LZTR1: variants seen among roughly 807,000 people sequenced by gnomAD.
LZTR1 encodes leucine-zipper-like transcriptional regulator 1.
In LZTR1, 260 loss-of-function variants were observed where a neutral mutation model predicts 105.7. The observed-to-expected ratio is 2.46, with a 90% CI of 2.22 to 2.72. The LOEUF is 2.72. LZTR1 is among the 30% of genes most tolerant of loss of function. LZTR1 has a pLI of 0.00. For synonymous variants in LZTR1, 490 were observed against 476.4 expected, an observed-to-expected ratio of 1.03 and a Z score of -0.37; for missense variants, 1,214 against 1,166.9, an observed-to-expected ratio of 1.04 and a Z score of -0.59.
chr22:20,991,633 C>G lies in LZTR1; in HGVS notation c.797C>G (p.Thr266Arg), dbSNP rs1258318307. Residue 266 changes from threonine (T) to arginine (R), a missense_variant, in exon 9 of 21, where the codon ACA becomes AGA. Coordinates refer to ENST00000646124, the MANE Select transcript of LZTR1 (RefSeq NM_006767.4). The part of the protein sequence containing the change: ...FQFEFKDKTW[T>R]RIPTEHLLRG... ...TCACTGTTGTGTACCCCCAGGTGGA[C>G]ACGCATCCCAACTGAACACCTGCTC... is the stretch of plus-strand genomic sequence containing the variant. 6.3e-7 allele frequency: 1 copy of G among 1,589,152 alleles called. No individual in the cohort carries two copies. The highest frequency in any genetic ancestry group is 8.5e-7 in the Non-Finnish European group (1 of 1,172,986).
rs770762358 is a variant in LZTR1 at position 20,982,430 on chromosome 22, C to T, written c.59C>T (p.Ala20Val). The change falls in exon 1 of 21, where the codon GCG becomes GTG. Residue 20 changes from alanine to valine, a missense_variant. Transcript: ENST00000646124. ...QIGAAALAGGARSKVAPSVDF... is the reference protein window; with the variant it reads ...QIGAAALAGGVRSKVAPSVDF... Reference sequence around the variant, plus strand: ...GGGGCTGCGGCCCTGGCAGGCGGCGCGCGGTCCAAGGTAGCCCCGAGCGTG... The same window carrying T: ...GGGGCTGCGGCCCTGGCAGGCGGCGTGCGGTCCAAGGTAGCCCCGAGCGTG... 6.3e-6 allele frequency: 10 copies of T among 1,579,338 alleles called. No homozygotes were observed. The highest frequency in any genetic ancestry group is 8.6e-6 in the Non-Finnish European group (10 of 1,162,346).
Position 20,992,320 on chromosome 22 carries a change from T to G in LZTR1, c.1100T>G (p.Leu367Arg). The G allele has an allele frequency of 6.2e-7, 1 of 1,613,926 alleles. No individual in the cohort carries two copies. The highest frequency in any genetic ancestry group is 8.5e-7 in the Non-Finnish European group (1 of 1,179,946). The change falls in exon 10 of 21, where the codon CTG becomes CGG. Residue 367 changes from leucine to arginine, a missense_variant. Coordinates refer to ENST00000646124, the MANE Select transcript of LZTR1 (RefSeq NM_006767.4). Reference sequence around the variant, plus strand: ...AAGAAGTCCCGAGATGTGTTTGGCCTGGACTTTGGCACCACCTCAGCCAAG... The same window carrying G: ...AAGAAGTCCCGAGATGTGTTTGGCCGGGACTTTGGCACCACCTCAGCCAAG... The part of the protein sequence containing the change: ...GFKKSRDVFG[L>R]DFGTTSAKQP...
chr22:20,986,020 A>T, intron 3 of LZTR1, 123 bp downstream of exon 3: 1 of 1,042,596 alleles, frequency 9.6e-7, no homozygotes, highest in South Asian at 1.4e-5. Flanking sequence ...TTCCAGGAGG[A>T]GATAACCACG....
chr22:20,983,903 C>T (rs1924285372), intron 2 of LZTR1, among the ~76,000 whole-genome samples: 1 of 152,220 alleles, frequency 6.6e-6, no homozygotes, highest in Non-Finnish European at 1.5e-5. Flanking sequence ...TCCTCCTTGG[C>T]TCATCCTCCT....
chr22:20,993,592 C>T (rs545132767), intron 11 of LZTR1, 70 bp from the exon 12 acceptor site: 140 of 1,342,370 alleles, frequency 1.0e-4, no homozygotes, highest in Non-Finnish European at 1.4e-4. Flanking sequence ...ACCTCAGGGT[C>T]GGCCTGCACA....
rs551144605 is a variant in LZTR1 at position 20,994,273 on chromosome 22, C to T, written c.1615+4C>T. 2.0e-4 allele frequency: 326 copies of T among 1,597,080 alleles called. 4 individuals are homozygous for T. The South Asian group carries it at 2.6e-3, about 13-fold the overall frequency. On this transcript the variant is annotated splice_donor_region_variant and intron_variant, in intron 14 of 20. Coordinates refer to ENST00000646124, the MANE Select transcript of LZTR1 (RefSeq NM_006767.4). ...AAGATCAAATACCCACGGAAAGGTC[C>T]GCCTGGGTGGGGGTGGAGCAGGGTT...
At position 20,988,017 on chromosome 22, in the gene LZTR1, C is replaced by T. The variant is rs373149140; in HGVS notation, c.408C>T (p.Tyr136=). 2.8e-5 allele frequency: 44 copies of T among 1,596,944 alleles called. No individual in the cohort carries two copies. The highest frequency in any genetic ancestry group is 3.7e-5 in the Non-Finnish European group (43 of 1,164,640). Residue 136 remains tyrosine (Y), a synonymous_variant, in exon 5 of 21, where the codon TAC becomes TAT. Coordinates refer to ENST00000646124, the MANE Select transcript of LZTR1 (RefSeq NM_006767.4). The part of the protein sequence containing the change: ...YGSSMFVFGG[Y]TGDIYSNSNL... ...CTCACTCTCTTTACTCAGGGGGTTA[C>T]ACTGGGGACATTTATTCCAATTCTA...
rs368649599 is a variant in LZTR1, at chr22:20,992,275, A to C, written c.1055A>C (p.Tyr352Ser). 1.7e-5 allele frequency: 28 copies of C among 1,613,838 alleles called. No individual in the cohort carries two copies. In the African/African-American group the frequency reaches 2.8e-4, roughly 16 times the overall value. ...TCCGAGGAGGTGCCCACCCTGACCT[A>C]TGAGGAGCGGGTTGGCTTCAAGAAG... Reference protein sequence around the residue: ...CASEEVPTLTYEERVGFKKSR... With the variant: ...CASEEVPTLTSEERVGFKKSR... Residue 352 changes from tyrosine (Y) to serine (S), a missense_variant, in exon 10 of 21, where the codon TAT becomes TCT. By Grantham distance (144) the Tyr-to-Ser change is moderately radical (BLOSUM62 -2). Transcript: ENST00000646124.
chr22:20,995,895 G>A (rs1047740893), intron 17 of LZTR1, 23 bp downstream of exon 17: 5 of 1,612,820 alleles, frequency 3.1e-6, no homozygotes, highest in African/African-American at 1.3e-5. Context: ...TGGACAGGAG[G>A]GGAGGGTGGG....
At position 20,996,544 on chromosome 22, in the gene LZTR1, A is replaced by T. The variant is rs540619968; in HGVS notation, c.2220-152A>T. 3.6e-4 allele frequency: 225 copies of T among 633,646 alleles called. No individual in the cohort carries two copies. The South Asian group carries it at 4.3e-3, about 12-fold the overall frequency. The allele number at this position is 633,646 out of a possible 1,614,324, so 39.3% of individuals were successfully genotyped here. On this transcript the variant is annotated intron_variant, in intron 18 of 20. Coordinates refer to ENST00000646124, the MANE Select transcript of LZTR1 (RefSeq NM_006767.4). ...ATTCATGGTTTTCTTTGGATCCTGA[A>T]TGGGGCCTTTGACCCACTAAGTAGT...
chr22:20,991,889 T>C (rs528353957), intron 9 of LZTR1, 60 bp downstream of exon 9: 1 of 1,451,948 alleles, frequency 6.9e-7, no homozygotes, highest in Non-Finnish European at 9.3e-7. Flanking sequence ...CCTACCCTGC[T>C]CCCACCCAGC....
intron 16 of LZTR1, chr22:20,995,533 G>A: frequency 5.5e-6 from 4 of 724,622 alleles, no homozygotes; most frequent in Non-Finnish European, 7.6e-6. Context: ...ACGCTGGGTG[G>A]TGGGCTGTGC....
chr22:20,982,940 C>T lies in LZTR1; in HGVS notation c.201-87C>T, dbSNP rs1476163304. Reference sequence around the variant, plus strand: ...GCAGTTGAGAGGTGATACCTAACTTCCGTGGCAGCTCTCCTGCTTAGTCCC... The same window carrying T: ...GCAGTTGAGAGGTGATACCTAACTTTCGTGGCAGCTCTCCTGCTTAGTCCC... On this transcript the variant is annotated intron_variant, in intron 1 of 20. Coordinates refer to ENST00000646124, the MANE Select transcript of LZTR1 (RefSeq NM_006767.4). 1.6e-5 allele frequency: 17 copies of T among 1,079,758 alleles called. 1 individual carries two copies. The South Asian group carries it at 2.0e-4, about 13-fold the overall frequency. The allele number at this position is 1,079,758 out of a possible 1,614,324, so 66.9% of individuals were successfully genotyped here. A position where few individuals can be genotyped will look rare whatever the true frequency, so the allele number is the denominator to read the frequency against.
rs770260964 is a variant in LZTR1 at position 20,994,917 on chromosome 22, G to A, written c.1833G>A (p.Val611=). The change falls in exon 16 of 21, where the codon GTG becomes GTA. Residue 611 remains valine (V), a synonymous_variant. Coordinates refer to ENST00000646124, the MANE Select transcript of LZTR1 (RefSeq NM_006767.4). ...FVVKESHFNQ[V]IMMKEFERLS... ...TAAAGGAGTCCCACTTCAACCAGGTGATCATGATGAAGGAGTTCGAGCGCC... is the reference window on the plus strand; with the variant it reads ...TAAAGGAGTCCCACTTCAACCAGGTAATCATGATGAAGGAGTTCGAGCGCC... The A allele has an allele frequency of 1.9e-6, 3 of 1,613,426 alleles. No homozygotes were observed. Among genetic ancestry groups the A allele is most frequent in the Non-Finnish European group, 2.5e-6 (3 of 1,180,010 alleles).
chr22:20,995,575 C>T, intron 16 of LZTR1, 171 bp from the exon 17 acceptor site: 2 of 823,950 alleles, frequency 2.4e-6, no homozygotes, highest in Non-Finnish European at 4.1e-6. Flanking sequence ...GGCCAGGGCG[C>T]CGAGGGAGGA....
rs771854135 is a variant in LZTR1 at position 20,982,358 on chromosome 22, G to C, written c.-14G>C. 6 of 1,544,862 alleles carry C rather than the reference G, an allele frequency of 3.9e-6. No individual in the cohort carries two copies. Among genetic ancestry groups the C allele is most frequent in the Non-Finnish European group, 5.2e-6 (6 of 1,143,460 alleles). On this transcript the variant is annotated 5_prime_UTR_variant, in exon 1 of 21. Coordinates refer to ENST00000646124, the MANE Select transcript of LZTR1 (RefSeq NM_006767.4). ...GTTGGGCTTACAGCGCGGCCGATCC[G>C]GCGTGGACCCGGGATGGCTGGACCG...
intron 4 of LZTR1, 88 bp downstream of exon 4, chr22:20,987,671 G>T (rs1246341671): frequency 8.2e-7 from 1 of 1,216,854 alleles, no homozygotes; most frequent in Non-Finnish European, 1.2e-6. Context: ...ATTTGTGCTC[G>T]TGCTGTGTAC....
rs750904684 is a variant in LZTR1 at position 20,990,446 on chromosome 22, G to C, written c.712G>C (p.Asp238His). 1.2e-6 allele frequency: 2 copies of C among 1,613,968 alleles called. No individual in the cohort carries two copies. The highest frequency in any genetic ancestry group is 1.7e-6 in the Non-Finnish European group (2 of 1,180,020). ...CAACTTCCCCGTGGCTGTGTGCCGG[G>C]ACAAGATGTTTGTATTCTCTGGGCA... ...CCNFPVAVCRDKMFVFSGQSG... is the reference protein window; with the variant it reads ...CCNFPVAVCRHKMFVFSGQSG... The change falls in exon 8 of 21, where the codon GAC becomes CAC. Residue 238 changes from aspartate (D) to histidine (H), a missense_variant. Physicochemically the swap from Asp to His is moderately conservative, Grantham distance 81. Coordinates refer to ENST00000646124, the MANE Select transcript of LZTR1 (RefSeq NM_006767.4).
In LZTR1 at chr22:20,995,223, G is replaced by A. The variant is rs554749044; in HGVS notation, c.1942+197G>A. On this transcript the variant is annotated intron_variant, in intron 16 of 20. Transcript: ENST00000646124. ...CCCGACCCATGGGGCTTGCCACAGT[G>A]GGCTGTGTCCTGGTGACCTGGGATT... 3.5e-5 allele frequency: 25 copies of A among 711,628 alleles called. No homozygotes were observed. In the South Asian group the frequency reaches 3.8e-4, roughly 11 times the overall value. 44.1% of individuals were successfully genotyped at this position (711,628 alleles called of 1,614,324 possible).
Sources: allele counts gnomAD v4.1 joint callset (sites outside exome capture counted in the v4.1 genomes callset), GRCh38; gene constraint gnomAD v4.1.1; transcripts MANE v1.5; gene names NCBI Gene and HGNC (gene_info 2026-07-23, HGNC 2026-07-21).